Variants in SKIC3 observed in about 807,000 individuals in gnomAD.
The protein encoded by SKIC3 is SKI3 subunit of superkiller complex.
the SKIC3 span, chr5:95,524,471 A>G: frequency 2.9e-5 from 47 of 1,613,068 alleles, no homozygotes; most frequent in African/African-American, 5.2e-4. Flanking sequence ...TTACCTTCAG[A>G]AAGTGGGTAA....
the SKIC3 span, chr5:95,506,957 T>C: frequency 6.2e-7 from 1 of 1,613,522 alleles, no homozygotes; most frequent in African/African-American, 1.3e-5. Flanking sequence ...CGTAATTTCT[T>C]ATTGCAACAT....
chr5:95,524,974 C>T, the SKIC3 span, among the ~76,000 whole-genome samples: 6 of 152,020 alleles, frequency 3.9e-5, no homozygotes, highest in African/African-American at 1.5e-4. Flanking sequence ...ACCTCCACCC[C>T]CCAGGTTCAA....
chr5:95,546,915 G>C, the SKIC3 span: 2 of 768,302 alleles, frequency 2.6e-6, no homozygotes, highest in Non-Finnish European at 4.4e-6. Flanking sequence ...CTAACTAGAG[G>C]TTAAAAGTCC....
At chr5:95,470,914 A>G in the SKIC3 span, among the ~76,000 whole-genome samples, 2 of 152,184 alleles carry the variant, frequency 1.3e-5, no homozygotes, top group Non-Finnish European at 2.9e-5. Flanking sequence ...GTTTCATTTA[A>G]AAAATCTCAA....
chr5:95,516,764 A>T, the SKIC3 span: 1 of 1,611,528 alleles, frequency 6.2e-7, no homozygotes, highest in Non-Finnish European at 8.5e-7. Context: ...AAAAGAAGTT[A>T]AATTAGATTA....
the SKIC3 span, among the ~76,000 whole-genome samples, chr5:95,526,140 G>T: frequency 6.6e-6 from 1 of 151,956 alleles, no homozygotes. Context: ...AAATTTCTCA[G>T]TTGTCTCATA....
the SKIC3 span, among the ~76,000 whole-genome samples, chr5:95,472,771 T>G: frequency 6.6e-6 from 1 of 152,112 alleles, no homozygotes; most frequent in Non-Finnish European, 1.5e-5. Context: ...TCCTTCACCC[T>G]CAGTGGTCCA....
chr5:95,505,768 G>A, the SKIC3 span, among the ~76,000 whole-genome samples: 14 of 150,810 alleles, frequency 9.3e-5, no homozygotes, highest in Non-Finnish European at 1.8e-4. Flanking sequence ...AGCCAAGATC[G>A]CGCCACTGCA....
At chr5:95,492,635 T>A in the SKIC3 span, among the ~76,000 whole-genome samples, 1 of 16,440 alleles carries the variant, frequency 6.1e-5, no homozygotes, top group Admixed American at 1.3e-3. Flanking sequence ...AGACTCCGTC[T>A]CAAAAAAAAA....
the SKIC3 span, among the ~76,000 whole-genome samples, chr5:95,470,221 G>A: frequency 6.0e-4 from 91 of 152,030 alleles, no homozygotes; most frequent in African/African-American, 2.0e-3. Flanking sequence ...CTCGTGATCC[G>A]CCCACCTCGG....
chr5:95,508,550 A>C, the SKIC3 span, among the ~76,000 whole-genome samples: 6 of 152,182 alleles, frequency 3.9e-5, no homozygotes, highest in Admixed American at 3.9e-4. Flanking sequence ...TTGTGGCCTC[A>C]GTTCACTGAA....
At chr5:95,504,477 G>C in the SKIC3 span, among the ~76,000 whole-genome samples, 5 of 151,538 alleles carry the variant, frequency 3.3e-5, no homozygotes, top group African/African-American at 1.2e-4. Context: ...ATAATTTCAA[G>C]TTGACTTTAA....
chr5:95,517,279 CT>C, the SKIC3 span: 1 of 1,613,300 alleles, frequency 6.2e-7, no homozygotes, highest in Non-Finnish European at 8.5e-7. Flanking sequence ...GCATCCCCAG[CT>C]AGCTTCCAGA....
chr5:95,548,693 T>C, the SKIC3 span: 4 of 151,772 alleles, frequency 2.6e-5, no homozygotes, highest in East Asian at 3.9e-4. Context: ...CCAGTTTCCT[T>C]TGGTTAAAAA....
At chr5:95,513,503 T>C in the SKIC3 span, 1 of 1,531,252 alleles carries the variant, frequency 6.5e-7, no homozygotes. Context: ...CAATATCTAT[T>C]CATTCCCTTA....
chr5:95,474,609 C>G, the SKIC3 span, among the ~76,000 whole-genome samples: 8 of 152,094 alleles, frequency 5.3e-5, no homozygotes, highest in African/African-American at 1.9e-4. Context: ...TGGGGATGAT[C>G]ATCTTGTACA....
At chr5:95,484,293 A>G in the SKIC3 span, among the ~76,000 whole-genome samples, 2 of 151,728 alleles carry the variant, frequency 1.3e-5, no homozygotes, top group Non-Finnish European at 2.9e-5. Context: ...TTATCATCAT[A>G]ATTGTCATCA....
At chr5:95,550,196 TAA>T in the SKIC3 span, among the ~76,000 whole-genome samples, 2 of 151,898 alleles carry the variant, frequency 1.3e-5, no homozygotes, top group African/African-American at 2.4e-5. Context: ...CAACTGCACT[TAA>T]AAAGAGTTAG....
At chr5:95,537,639 G>A in the SKIC3 span, among the ~76,000 whole-genome samples, 1 of 152,160 alleles carries the variant, frequency 6.6e-6, no homozygotes, top group Admixed American at 6.5e-5. Flanking sequence ...CTCTTATGCA[G>A]TATTAGCTGA....
Sources: gnomAD v4.1 joint callset for allele counts (sites outside exome capture counted in the v4.1 genomes callset) on GRCh38, gnomAD v4.1.1 for gene constraint, MANE v1.5 for transcripts, NCBI Gene and HGNC (gene_info 2026-07-23, HGNC 2026-07-21) for gene names.